Variants in HDX observed in about 807,000 individuals in gnomAD.
HDX encodes the protein highly divergent homeobox, also known as chromosome X open reading frame 43.
Under a neutral mutation model 45.2 loss-of-function variants are expected in HDX, and 19 were observed. The ratio of observed to expected loss-of-function variants is 0.42; its 90% CI spans 0.29 to 0.62. The LOEUF is 0.62. HDX is among the 20% of genes least tolerant of loss of function. HDX has a pLI of 0.20. For missense variants in HDX, 532 were observed against 493.9 expected (o/e 1.08, Z -0.73); for synonymous variants, 188 against 172.8 (o/e 1.09, Z -0.69).
At chrX:84,399,057 C>G (rs1416851187) in intron 5 of HDX, among the ~76,000 whole-genome samples, 1 of 111,570 alleles carries the variant, frequency 9.0e-6, no homozygotes, top group East Asian at 2.8e-4. Flanking sequence ...ATCTTGAACA[C>G]AGCTAAAGCA....
intron 4 of HDX, among the ~76,000 whole-genome samples, chrX:84,441,088 A>G (rs1027971809): frequency 4.4e-4 from 49 of 111,200 alleles, no homozygotes; most frequent in African/African-American, 1.5e-3. Context: ...ATTAGTTAAG[A>G]AATGAACATA....
chrX:84,326,730 G>A (rs2036719480), intron 9 of HDX, among the ~76,000 whole-genome samples: 1 of 110,228 alleles, frequency 9.1e-6, no homozygotes, highest in African/African-American at 3.3e-5. Flanking sequence ...TGGCCAACAT[G>A]GTGAAACCCC....
chrX:84,359,877 G>T, intron 6 of HDX, among the ~76,000 whole-genome samples: 1 of 111,933 alleles, frequency 8.9e-6, no homozygotes, highest in Non-Finnish European at 1.9e-5. Context: ...ATGGGCAAAA[G>T]ATTTTATGAC....
chrX:84,321,072 T>C lies in HDX; in HGVS notation c.*817A>G, dbSNP rs1232820869. 2 of 110,892 alleles carry C rather than the reference T, an allele frequency of 1.8e-5. No individual in the cohort carries two copies. Among genetic ancestry groups the C allele is most frequent in the African/African-American group, 6.5e-5 (2 of 30,691 alleles). 9.1% of individuals were successfully genotyped at this position (110,892 alleles called of 1,213,427 possible). ...AAAGAATTATAAAGATGGTGATAAA[T>C]TTAAAATATTTGTGTAACACTTCAT... On this transcript the variant is annotated 3_prime_UTR_variant, in exon 11 of 11. Coordinates refer to ENST00000373177, the MANE Select transcript of HDX (RefSeq NM_001177479.2).
chrX:84,377,314 A>T (rs969599235), intron 5 of HDX, among the ~76,000 whole-genome samples: 1 of 111,648 alleles, frequency 9.0e-6, no homozygotes, highest in Non-Finnish European at 1.9e-5. Context: ...ACTGTAATAA[A>T]TACCTAACTC....
intron 5 of HDX, among the ~76,000 whole-genome samples, chrX:84,366,358 C>T: frequency 8.9e-6 from 1 of 111,893 alleles, no homozygotes. Flanking sequence ...GAAAAACGTT[C>T]CATGCTCATG....
At chrX:84,500,969 T>C (rs770486403) in intron 1 of HDX, among the ~76,000 whole-genome samples, 9 of 111,541 alleles carry the variant, frequency 8.1e-5, no homozygotes, top group Non-Finnish European at 1.7e-4. Context: ...AGGAAGCTCC[T>C]ACAGTGACTA....
intron 5 of HDX, among the ~76,000 whole-genome samples, chrX:84,366,224 C>T (rs917216997): frequency 5.4e-5 from 6 of 111,352 alleles, no homozygotes; most frequent in Non-Finnish European, 1.1e-4. Flanking sequence ...GAGTGAACTC[C>T]GATTCACAAT....
intron 5 of HDX, among the ~76,000 whole-genome samples, chrX:84,367,975 T>A (rs186049089): frequency 1.8e-5 from 2 of 111,867 alleles, no homozygotes; most frequent in East Asian, 5.6e-4. Flanking sequence ...GTTCTGCACA[T>A]GTATCCCAGA....
intron 1 of HDX, among the ~76,000 whole-genome samples, chrX:84,494,502 C>T (rs1413686948): frequency 8.9e-6 from 1 of 111,975 alleles, no homozygotes; most frequent in East Asian, 2.8e-4. Flanking sequence ...ACTCTCATTC[C>T]TGATTTTACA....
At chrX:84,352,052 C>T (rs2037373305) in intron 6 of HDX, among the ~76,000 whole-genome samples, 1 of 111,853 alleles carries the variant, frequency 8.9e-6, no homozygotes, top group East Asian at 2.8e-4. Context: ...GATTATGATG[C>T]CTTTTATACC....
rs1396611677 is a variant in HDX at position 84,320,963 on chromosome X, T to A, written c.*926A>T. 9.0e-6 allele frequency: 1 copy of A among 110,890 alleles called. No individual in the cohort carries two copies. Among genetic ancestry groups the A allele is most frequent in the Non-Finnish European group, 1.9e-5 (1 of 52,448 alleles). The allele number at this position is 110,890 out of a possible 1,213,427, so 9.1% of individuals were successfully genotyped here. On this transcript the variant is annotated 3_prime_UTR_variant, in exon 11 of 11. Coordinates refer to ENST00000373177, the MANE Select transcript of HDX (RefSeq NM_001177479.2). ...GCCTCATATGGAAATGAGGTAAATTTTGTGGCAAAGCTGAATGACTAAATT... is the reference window on the plus strand; with the variant it reads ...GCCTCATATGGAAATGAGGTAAATTATGTGGCAAAGCTGAATGACTAAATT...
chrX:84,327,974 T>C (rs1569274750), intron 9 of HDX, among the ~76,000 whole-genome samples: 1 of 107,603 alleles, frequency 9.3e-6, no homozygotes, highest in African/African-American at 3.3e-5. Flanking sequence ...CCACCATCCA[T>C]GGCTAATTAT....
chrX:84,412,244 T>C (rs1048507091), intron 5 of HDX, among the ~76,000 whole-genome samples: 1 of 111,681 alleles, frequency 9.0e-6, no homozygotes, highest in Non-Finnish European at 1.9e-5. Context: ...GTGTAGTTGC[T>C]TTACAGTGTC....
rs1200045178 is a variant in HDX at position 84,320,816 on chromosome X, A to G, written c.*1073T>C. On this transcript the variant is annotated 3_prime_UTR_variant, in exon 11 of 11. Transcript: ENST00000373177. ...ACCTACTAATAATAGAAAACTGGGT[A>G]GCTTGCCCATTTTAGGTGTGTACTC... The G allele has an allele frequency of 9.0e-6, 1 of 110,522 alleles. No individual in the cohort carries two copies. The highest frequency in any genetic ancestry group is 2.8e-4 in the East Asian group (1 of 3,520). 9.1% of individuals were successfully genotyped at this position (110,522 alleles called of 1,213,427 possible).
chrX:84,349,391 TTA>T lies in HDX; in HGVS notation c.1453-4936_1453-4935del, dbSNP rs199554699. ...TATTCCCTTATGACTTATTTAAAAA[TTA>T]TATATATATATGTGTGTGTGTGTGT... On this transcript the variant is annotated intron_variant, in intron 6 of 10. Transcript: ENST00000373177. 1.0e-2 allele frequency among the ~76,000 whole-genome samples: 935 copies of T among 93,926 alleles called. 7 individuals are homozygous for T. The highest frequency in any genetic ancestry group is 0.026 in the African/African-American group (654 of 24,947). 81.6% of individuals were successfully genotyped at this position (93,926 alleles called of 115,157 possible). A position where few individuals can be genotyped will look rare whatever the true frequency, so the allele number is the denominator to read the frequency against.
At chrX:84,326,379 T>TA (rs2036710856) in intron 9 of HDX, 79 bp from the exon 10 acceptor site, 5 of 708,037 alleles carry the variant, frequency 7.1e-6, no homozygotes, top group Middle Eastern at 4.4e-4. Context: ...AATAAAATTC[T>TA]AAAAAACCAT....
chrX:84,427,160 C>A (rs2148026410), intron 5 of HDX, among the ~76,000 whole-genome samples: 1 of 110,439 alleles, frequency 9.1e-6, no homozygotes, highest in East Asian at 2.8e-4. Flanking sequence ...GTATTTTGCA[C>A]CTACAGTACT....
intron 1 of HDX, chrX:84,500,264 T>C (rs1177655414): frequency 9.2e-6 from 1 of 109,044 alleles, no homozygotes; most frequent in African/African-American, 3.4e-5. Context: ...TATACAGTTC[T>C]CTCTATAAAA....
Sources: gnomAD v4.1 joint callset for allele counts (sites outside exome capture counted in the v4.1 genomes callset) on GRCh38, gnomAD v4.1.1 for gene constraint, MANE v1.5 for transcripts, NCBI Gene and HGNC (gene_info 2026-07-23, HGNC 2026-07-21) for gene names.